KIAA1549: variants seen among roughly 807,000 people sequenced by gnomAD.
The protein encoded by KIAA1549 is KIAA1549, also known as UPF0606 protein KIAA1549.
Under a neutral mutation model 156.4 loss-of-function variants are expected in KIAA1549, and 70 were observed. The observed-to-expected ratio is 0.45, with a 90% CI of 0.37 to 0.55. KIAA1549 has a LOEUF of 0.55. Ranked by LOEUF, KIAA1549 falls within the 20% of genes least tolerant of loss-of-function variation. The probability of loss-of-function intolerance (pLI) is 0.00; values close to 1 mark genes in which losing one functional copy is unlikely to be tolerated. For missense variants in KIAA1549, 2,428 were observed against 2,540.9 expected (o/e 0.96, Z 0.96); for synonymous variants, 1,103 against 1,066.4 (o/e 1.03, Z -0.67).
chr7:138,918,017 T>C lies in KIAA1549; in HGVS notation c.1609A>G (p.Thr537Ala). ...TCAGCAACAGACAAGGAGCCAGCAG[T>C]AGGATCAAGTGACGCCGGCACAGAG... The part of the protein sequence containing the change: ...RLSVPASLDP[T>A]AGSLSVAETQ... Residue 537 changes from threonine to alanine, a missense_variant, in exon 2 of 20, where the codon ACT becomes GCT. By Grantham distance (58) the Thr-to-Ala change is moderately conservative. Coordinates refer to ENST00000422774, the MANE Select transcript of KIAA1549 (RefSeq NM_001164665.2). The surrounding 1 kb of genome is among the most constrained non-coding windows in gnomAD (Gnocchi z 4.2). The C allele has an allele frequency of 6.2e-6, 10 of 1,605,442 alleles. No individual in the cohort carries two copies. Among genetic ancestry groups the C allele is most frequent in the Non-Finnish European group, 8.5e-6 (10 of 1,175,924 alleles).
chr7:138,875,431 G>C (rs1220188039), intron 12 of KIAA1549, among the ~76,000 whole-genome samples: 1 of 152,042 alleles, frequency 6.6e-6, no homozygotes, highest in African/African-American at 2.4e-5. Flanking sequence ...GATCGCTTGA[G>C]CCCAGGAGTT....
chr7:138,849,599 G>A (rs1410268507), intron 17 of KIAA1549, among the ~76,000 whole-genome samples: 1 of 151,626 alleles, frequency 6.6e-6, no homozygotes, highest in East Asian at 1.9e-4. Context: ...TACATGTGCA[G>A]GTTTGTTATA....
chr7:138,905,167 T>C (rs1437217890), intron 6 of KIAA1549, 86 bp from the exon 7 acceptor site: 2 of 899,846 alleles, frequency 2.2e-6, no homozygotes, highest in Non-Finnish European at 3.6e-6. Context: ...ACATCGTCTT[T>C]ACTATTTAGC....
At chr7:138,919,859 T>C (rs1199973736) in intron 1 of KIAA1549, among the ~76,000 whole-genome samples, 1 of 152,034 alleles carries the variant, frequency 6.6e-6, no homozygotes, top group Non-Finnish European at 1.5e-5. Context: ...ATATAAGGCT[T>C]CCTTGACTCC....
At chr7:138,895,675 T>C (rs1811664935) in intron 9 of KIAA1549, among the ~76,000 whole-genome samples, 1 of 152,102 alleles carries the variant, frequency 6.6e-6, no homozygotes, top group South Asian at 2.1e-4. Context: ...CACTGAAGTA[T>C]ACATTTAAAA....
intron 12 of KIAA1549, among the ~76,000 whole-genome samples, chr7:138,871,679 A>G (rs1372500139): frequency 6.6e-6 from 1 of 152,276 alleles, no homozygotes; most frequent in African/African-American, 2.4e-5. Flanking sequence ...TATAGGACAG[A>G]AGGAGCCTGA....
intron 1 of KIAA1549, among the ~76,000 whole-genome samples, chr7:138,958,016 T>C (rs1347326974): frequency 6.6e-6 from 1 of 152,268 alleles, no homozygotes; most frequent in Admixed American, 6.5e-5. Context: ...TCTATATGCT[T>C]GTACTCATGC....
intron 10 of KIAA1549, among the ~76,000 whole-genome samples, chr7:138,889,658 TC>T (rs1811495151): frequency 6.6e-6 from 1 of 152,176 alleles, no homozygotes; most frequent in Non-Finnish European, 1.5e-5. Flanking sequence ...AATATACAAG[TC>T]CTCTTGGCTT....
intron 1 of KIAA1549, among the ~76,000 whole-genome samples, chr7:138,955,677 T>C (rs1299707371): frequency 1.3e-5 from 2 of 152,224 alleles, no homozygotes; most frequent in South Asian, 2.1e-4. Context: ...AAGTCTCATA[T>C]ACATATTTTG....
chr7:138,949,484 T>A (rs1813432580), intron 1 of KIAA1549, among the ~76,000 whole-genome samples: 1 of 152,164 alleles, frequency 6.6e-6, no homozygotes. Flanking sequence ...GTTCTGATGT[T>A]TTCTTCCCAT....
intron 15 of KIAA1549, among the ~76,000 whole-genome samples, chr7:138,867,469 T>C (rs536938138): frequency 5.9e-5 from 9 of 151,728 alleles, no homozygotes; most frequent in Admixed American, 3.3e-4. Flanking sequence ...GTGGGAAAAT[T>C]ACTTGAGCCC....
chr7:138,881,195 C>T (rs970689385), intron 11 of KIAA1549, among the ~76,000 whole-genome samples, 193 bp downstream of exon 11: 1 of 152,120 alleles, frequency 6.6e-6, no homozygotes, highest in Non-Finnish European at 1.5e-5. Flanking sequence ...ATCACACAGC[C>T]TTCTTTGGCA....
At chr7:138,950,733 T>C (rs1273431121) in intron 1 of KIAA1549, among the ~76,000 whole-genome samples, 2 of 152,164 alleles carry the variant, frequency 1.3e-5, no homozygotes, top group African/African-American at 4.8e-5. Flanking sequence ...CAATCCTGCA[T>C]GTATGTCTTG....
At chr7:138,865,419 C>T (rs1369269702) in intron 15 of KIAA1549, among the ~76,000 whole-genome samples, 1 of 151,222 alleles carries the variant, frequency 6.6e-6, no homozygotes, top group Non-Finnish European at 1.5e-5. Context: ...CATAGTACTT[C>T]CCTAGTATAG....
intron 1 of KIAA1549, among the ~76,000 whole-genome samples, chr7:138,964,944 GTT>G (rs112299014): frequency 1.3e-5 from 2 of 150,792 alleles, no homozygotes; most frequent in African/African-American, 4.9e-5. Flanking sequence ...TCATAGCAGT[GTT>G]TTTTTTCTTT....
At chr7:138,975,371 A>T (rs2130578344) in intron 1 of KIAA1549, among the ~76,000 whole-genome samples, 1 of 152,328 alleles carries the variant, frequency 6.6e-6, no homozygotes, top group African/African-American at 2.4e-5. Flanking sequence ...TCAGCAGGTC[A>T]TGGGCCTAGA....
chr7:138,943,656 T>G lies in KIAA1549; in HGVS notation c.188-24218A>C, dbSNP rs546707325. 5.9e-5 allele frequency among the ~76,000 whole-genome samples: 9 copies of G among 152,286 alleles called. No individual in the cohort carries two copies. In the East Asian group the frequency reaches 1.7e-3, roughly 29 times the overall value. Reference sequence around the variant, plus strand: ...CAAGGTCAGGAGATCGAGACCATCCTGGCTAACATGGTGAAACCCCGTCTC... The same window carrying G: ...CAAGGTCAGGAGATCGAGACCATCCGGGCTAACATGGTGAAACCCCGTCTC... On this transcript the variant is annotated intron_variant, in intron 1 of 19. Coordinates refer to ENST00000422774, the MANE Select transcript of KIAA1549 (RefSeq NM_001164665.2).
Position 138,906,905 on chromosome 7 carries a change from A to C in KIAA1549, c.3460+14T>G. On this transcript the variant is annotated intron_variant, in intron 6 of 19. Transcript: ENST00000422774. ...CCATCACCTCCCCAGCATGTCCAAG[A>C]GGGCTGTACTCACGCTCTGCGATCT... 6.8e-7 allele frequency: 1 copy of C among 1,479,058 alleles called. No individual in the cohort carries two copies. The allele number at this position is 1,479,058 out of a possible 1,614,324, so 91.6% of individuals were successfully genotyped here.
intron 1 of KIAA1549, among the ~76,000 whole-genome samples, chr7:138,958,208 C>T (rs757983668): frequency 6.6e-6 from 1 of 151,912 alleles, no homozygotes; most frequent in African/African-American, 2.4e-5. Context: ...GGGCCATCTG[C>T]GGGTTCAGCC....
Sources: allele counts gnomAD v4.1 joint callset (sites outside exome capture counted in the v4.1 genomes callset), GRCh38; gene constraint gnomAD v4.1.1; non-coding constraint Gnocchi (gnomAD v3.1); transcripts MANE v1.5; gene names NCBI Gene and HGNC (gene_info 2026-07-23, HGNC 2026-07-21).